Variants in PRKG1 observed in about 807,000 individuals in gnomAD.
PRKG1 encodes the protein protein kinase cGMP-dependent 1.
In PRKG1, 35 loss-of-function variants were observed where a neutral mutation model predicts 88.1. The observed-to-expected ratio is 0.40, with a 90% CI of 0.30 to 0.53. The LOEUF (loss-of-function observed/expected upper bound fraction) is 0.53, where lower values mean the gene tolerates loss of function less well. Ranked by LOEUF, PRKG1 falls within the 20% of genes least tolerant of loss-of-function variation. The pLI, the probability that PRKG1 is intolerant of heterozygous loss-of-function variation, is 0.59. For synonymous variants in PRKG1, 303 were observed against 292.5 expected, an observed-to-expected ratio of 1.04 and a Z score of -0.37; for missense variants, 540 against 839.8, an observed-to-expected ratio of 0.64 and a Z score of 4.41.
At chr10:52,084,306 T>A (rs964684751) in intron 7 of PRKG1, among the ~76,000 whole-genome samples, 4 of 152,062 alleles carry the variant, frequency 2.6e-5, no homozygotes, top group African/African-American at 9.7e-5. Context: ...ACAAATGAGA[T>A]GAAAGTTTTT....
chr10:51,888,116 G>T (rs958484001), intron 4 of PRKG1, among the ~76,000 whole-genome samples: 2 of 152,132 alleles, frequency 1.3e-5, no homozygotes, highest in African/African-American at 2.4e-5. Context: ...CCTTGGTTGT[G>T]GTGATGGTAT....
chr10:51,295,234 C>A (rs1290378815), intron 2 of PRKG1, among the ~76,000 whole-genome samples: 1 of 152,142 alleles, frequency 6.6e-6, no homozygotes, highest in Non-Finnish European at 1.5e-5. Context: ...GTAGTATGGA[C>A]ATTTTAATAA....
At chr10:51,150,962 C>A (rs1846057571) in intron 1 of PRKG1, among the ~76,000 whole-genome samples, 1 of 151,824 alleles carries the variant, frequency 6.6e-6, no homozygotes, top group African/African-American at 2.4e-5. Context: ...TGGAAGAGGG[C>A]TTCATTTTTA....
At chr10:51,412,257 T>C (rs1031058444) in intron 2 of PRKG1, among the ~76,000 whole-genome samples, 3 of 148,670 alleles carry the variant, frequency 2.0e-5, no homozygotes, top group Admixed American at 1.3e-4. Context: ...TTCAGAAAAA[T>C]GTCAACAGGG....
chr10:51,098,213 T>C (rs1348629837), intron 1 of PRKG1, among the ~76,000 whole-genome samples: 4 of 152,206 alleles, frequency 2.6e-5, no homozygotes, highest in Admixed American at 2.6e-4. Context: ...ATTCAGGCTT[T>C]ACCACTTTCT....
chr10:51,880,021 C>A (rs1841397273), intron 4 of PRKG1, among the ~76,000 whole-genome samples: 1 of 152,210 alleles, frequency 6.6e-6, no homozygotes, highest in Admixed American at 6.5e-5. Context: ...ACAGTACCAG[C>A]CTGCACATCC....
intron 2 of PRKG1, among the ~76,000 whole-genome samples, chr10:51,428,946 C>T (rs1487170932): frequency 2.6e-5 from 4 of 152,150 alleles, no homozygotes; most frequent in Admixed American, 1.3e-4. Flanking sequence ...TCATACATCC[C>T]TATAGTTCTT....
chr10:51,181,830 T>C (rs995629186), intron 2 of PRKG1, among the ~76,000 whole-genome samples: 3 of 152,354 alleles, frequency 2.0e-5, no homozygotes, highest in Admixed American at 6.5e-5. Flanking sequence ...ACCATGGAGC[T>C]TGTTCTTAAT....
At chr10:52,285,606 T>C (rs1246176252) in intron 14 of PRKG1, among the ~76,000 whole-genome samples, 2 of 152,004 alleles carry the variant, frequency 1.3e-5, no homozygotes, top group Non-Finnish European at 1.5e-5. Context: ...AGCTGAAAGA[T>C]GCAAAAGTAA....
chr10:51,293,995 T>A (rs1274883494), intron 2 of PRKG1, among the ~76,000 whole-genome samples: 1 of 152,192 alleles, frequency 6.6e-6, no homozygotes, highest in Non-Finnish European at 1.5e-5. Flanking sequence ...TTTTTTCATA[T>A]GGCTGTTGGA....
At chr10:51,783,833 A>G (rs1564645263) in intron 3 of PRKG1, among the ~76,000 whole-genome samples, 1 of 152,152 alleles carries the variant, frequency 6.6e-6, no homozygotes, top group East Asian at 1.9e-4. Flanking sequence ...CAATAAAAAC[A>G]TTGTTTTGCA....
At position 52,113,064 on chromosome 10, in the gene PRKG1, T is replaced by A. The variant is rs117344799; in HGVS notation, c.936-20776T>A. 3.2e-4 allele frequency among the ~76,000 whole-genome samples: 48 copies of A among 152,246 alleles called. 1 individual carries two copies. In the East Asian group the frequency reaches 8.1e-3, roughly 26 times the overall value. On this transcript the variant is annotated intron_variant, in intron 7 of 17. Coordinates refer to ENST00000373980, the MANE Select transcript of PRKG1 (RefSeq NM_006258.4). ...ACTGAAGCTTCTTTATCTGTCAAAG[T>A]GAGAAAGCATAATAGTAACTAAATG...
intron 1 of PRKG1, among the ~76,000 whole-genome samples, chr10:51,048,854 T>C (rs985219944): frequency 1.2e-5 from 1 of 81,596 alleles, no homozygotes; most frequent in African/African-American, 5.0e-5. Context: ...GTATAGTGAC[T>C]TTTTTTTTTT....
At chr10:51,997,676 T>C (rs966442627) in intron 5 of PRKG1, among the ~76,000 whole-genome samples, 1 of 152,154 alleles carries the variant, frequency 6.6e-6, no homozygotes, top group Non-Finnish European at 1.5e-5. Context: ...CAAAATATAA[T>C]GTTGTACGCA....
At chr10:51,754,214 A>G (rs941299790) in intron 3 of PRKG1, among the ~76,000 whole-genome samples, 2 of 152,008 alleles carry the variant, frequency 1.3e-5, no homozygotes, top group African/African-American at 2.4e-5. Flanking sequence ...TTCTGACCCA[A>G]CTTAGTCCCT....
Position 51,980,293 on chromosome 10 carries a change from A to C in PRKG1, c.762+72723A>C, listed in dbSNP as rs542029581. ...TTTCCATGTAATTGTATGGTTTTGA[A>C]GAATTTTCTTAGTCTTGATCCCTAA... On this transcript the variant is annotated intron_variant, in intron 5 of 17. Transcript: ENST00000373980. 3.3e-5 allele frequency among the ~76,000 whole-genome samples: 5 copies of C among 152,194 alleles called. No homozygotes were observed. In the East Asian group the frequency reaches 7.7e-4, roughly 23 times the overall value.
intron 4 of PRKG1, among the ~76,000 whole-genome samples, chr10:51,853,880 G>A (rs1240615036): frequency 6.6e-6 from 1 of 152,000 alleles, no homozygotes; most frequent in Non-Finnish European, 1.5e-5. Flanking sequence ...TTTTGTGGGT[G>A]TTTGTAAGTT....
chr10:51,338,698 T>C (rs897669373), intron 2 of PRKG1, among the ~76,000 whole-genome samples: 3 of 152,226 alleles, frequency 2.0e-5, no homozygotes, highest in African/African-American at 7.2e-5. Flanking sequence ...TTAGTCTTAA[T>C]TGAACTTCAT....
intron 3 of PRKG1, among the ~76,000 whole-genome samples, chr10:51,493,482 G>A (rs1840763933): frequency 6.6e-6 from 1 of 152,100 alleles, no homozygotes; most frequent in Non-Finnish European, 1.5e-5. Flanking sequence ...TCTATTGCCA[G>A]AAAATATTTT....
Sources: gnomAD v4.1 joint callset for allele counts (sites outside exome capture counted in the v4.1 genomes callset) on GRCh38, gnomAD v4.1.1 for gene constraint, MANE v1.5 for transcripts, NCBI Gene and HGNC (gene_info 2026-07-23, HGNC 2026-07-21) for gene names.